The following LAMC3 variants were observed in gnomAD, a reference collection of about 807,000 sequenced individuals.
LAMC3 encodes the protein laminin subunit gamma 3, also known as laminin subunit gamma-3.
In LAMC3, 128 loss-of-function variants were observed where a neutral mutation model predicts 173.8. The ratio of observed to expected loss-of-function variants is 0.74; its 90% CI spans 0.64 to 0.85. LAMC3 has a LOEUF of 0.85. LAMC3 is among the 40% of genes least tolerant of loss of function. The probability of loss-of-function intolerance (pLI) is 0.00; values close to 1 mark genes in which losing one functional copy is unlikely to be tolerated. For synonymous variants in LAMC3, 897 were observed against 909.1 expected, an observed-to-expected ratio of 0.99 and a Z score of 0.24; for missense variants, 2,022 against 2,156.0, an observed-to-expected ratio of 0.94 and a Z score of 1.23.
intron 1 of LAMC3, among the ~76,000 whole-genome samples, chr9:131,016,380 G>T (rs1431961251): frequency 6.6e-6 from 1 of 152,194 alleles, no homozygotes; most frequent in African/African-American, 2.4e-5. Flanking sequence ...GATGGTAAAT[G>T]TCATGTTATA....
At chr9:131,047,238 C>T (rs1471899191) in intron 8 of LAMC3, among the ~76,000 whole-genome samples, 8 of 104,322 alleles carry the variant, frequency 7.7e-5, no homozygotes, top group South Asian at 3.3e-4. Context: ...GATCTCAGCT[C>T]TCTGCAACCT....
At chr9:131,040,184 A>AC in intron 6 of LAMC3, among the ~76,000 whole-genome samples, 1 of 145,738 alleles carries the variant, frequency 6.9e-6, no homozygotes, top group East Asian at 2.0e-4. Flanking sequence ...CACTATCTCT[A>AC]TTTTTTTTTT....
chr9:131,068,779 C>T (rs1399086614), intron 15 of LAMC3, 129 bp from the exon 16 acceptor site: 11 of 898,844 alleles, frequency 1.2e-5, no homozygotes, highest in Non-Finnish European at 1.9e-5. Context: ...CTGTGCCATG[C>T]ACCGAGAGGA....
At chr9:131,090,545 A>ATCCAGGGCC in intron 27 of LAMC3, among the ~76,000 whole-genome samples, 2 of 152,248 alleles carry the variant, frequency 1.3e-5, no homozygotes, top group Non-Finnish European at 2.9e-5. Context: ...TGCCCAGGAA[A>ATCCAGGGCC]TCCAGGGCCT....
intron 13 of LAMC3, among the ~76,000 whole-genome samples, chr9:131,061,772 G>A (rs904486126): frequency 2.6e-5 from 4 of 152,196 alleles, no homozygotes; most frequent in Admixed American, 6.5e-5. Flanking sequence ...CAATTCGGCT[G>A]GGTGTGGTGG....
At chr9:131,048,791 C>T (rs1204962678) in intron 8 of LAMC3, among the ~76,000 whole-genome samples, 4 of 152,094 alleles carry the variant, frequency 2.6e-5, no homozygotes, top group Admixed American at 6.6e-5. Context: ...TGTCCCAGGG[C>T]CCCCATGTGG....
Position 131,079,328 on chromosome 9 carries a change from C to G in LAMC3, c.3927+30C>G, listed in dbSNP as rs373038800. Reference sequence around the variant, plus strand: ...GCTCTTGTGCTTTGAAGCAGGGGACCTGGGAGAGGTTGGGGCTACCCTGAA... The same window carrying G: ...GCTCTTGTGCTTTGAAGCAGGGGACGTGGGAGAGGTTGGGGCTACCCTGAA... On this transcript the variant is annotated intron_variant, in intron 23 of 27. Coordinates refer to ENST00000361069, the MANE Select transcript of LAMC3 (RefSeq NM_006059.4). 5 of 1,613,354 alleles carry G rather than the reference C, an allele frequency of 3.1e-6. No individual in the cohort carries two copies. The South Asian group carries it at 5.5e-5, about 18-fold the overall frequency.
At chr9:131,015,353 C>T (rs1293758900) in intron 1 of LAMC3, among the ~76,000 whole-genome samples, 6 of 152,180 alleles carry the variant, frequency 3.9e-5, no homozygotes. Context: ...CCTGCCCTGC[C>T]CTGCTCTCCC....
chr9:131,063,323 C>T (rs1362655292), intron 13 of LAMC3, among the ~76,000 whole-genome samples: 1 of 152,214 alleles, frequency 6.6e-6, no homozygotes, highest in African/African-American at 2.4e-5. Context: ...CTCCCCTGGC[C>T]TGCAGACATG....
chr9:131,027,521 C>T (rs1328399849), intron 2 of LAMC3, among the ~76,000 whole-genome samples: 1 of 152,216 alleles, frequency 6.6e-6, no homozygotes, highest in African/African-American at 2.4e-5. Flanking sequence ...GCGCCTCTAG[C>T]TGCATTGTCC....
intron 23 of LAMC3, 66 bp downstream of exon 23, chr9:131,079,364 G>A: frequency 2.5e-6 from 4 of 1,592,052 alleles, no homozygotes; most frequent in Non-Finnish European, 3.4e-6. Context: ...GGTGATCCAG[G>A]GTCAGGGTTG....
In LAMC3 at chr9:131,036,314, G is replaced by A. The variant is rs781048425; in HGVS notation, c.958G>A (p.Ala320Thr). 3.0e-5 allele frequency: 48 copies of A among 1,612,876 alleles called. No individual in the cohort carries two copies. The highest frequency in any genetic ancestry group is 3.8e-5 in the Non-Finnish European group (45 of 1,179,734). Residue 320 changes from alanine (A) to threonine (T), a missense_variant, in exon 4 of 28, where the codon GCT becomes ACT. Coordinates refer to ENST00000361069, the MANE Select transcript of LAMC3 (RefSeq NM_006059.4). ...CCCGTGGGCCCGGGGCACCGCCGAG[G>A]CTGCCCACGAGTGTCTGCGTGAGTG... ...DRPWARGTAE[A>T]AHECLPCNCS...
In LAMC3 at chr9:131,026,954, C is replaced by T. The variant is rs931925734; in HGVS notation, c.678+365C>T. 2.0e-5 allele frequency among the ~76,000 whole-genome samples: 3 copies of T among 152,300 alleles called. No homozygotes were observed. The highest frequency in any genetic ancestry group is 2.9e-5 in the Non-Finnish European group (2 of 68,018). On this transcript the variant is annotated intron_variant, in intron 2 of 27. Coordinates refer to ENST00000361069, the MANE Select transcript of LAMC3 (RefSeq NM_006059.4). The surrounding 1 kb of genome is among the most constrained non-coding windows in gnomAD (Gnocchi z 4.8). ...CTTGAACTCCTGACATTAAGCGATC[C>T]ACCTGCCTCGGCCTCCCAAAGTGCT...
intron 13 of LAMC3, among the ~76,000 whole-genome samples, chr9:131,064,235 C>T (rs991305609): frequency 2.6e-5 from 4 of 152,238 alleles, no homozygotes; most frequent in African/African-American, 9.6e-5. Context: ...TTCAACAGAC[C>T]GATGACTTTT....
At chr9:131,056,792 A>G in intron 11 of LAMC3, 137 bp from the exon 12 acceptor site, 1 of 759,006 alleles carries the variant, frequency 1.3e-6, no homozygotes, top group South Asian at 1.4e-5. Flanking sequence ...TCTGTCTCAA[A>G]AAAAGAAAAA....
chr9:131,039,666 A>T (rs892345546), intron 6 of LAMC3, among the ~76,000 whole-genome samples: 2 of 151,788 alleles, frequency 1.3e-5, no homozygotes, highest in Non-Finnish European at 2.9e-5. Context: ...TGGGGGTTTG[A>T]CTGTGGAGAG....
intron 7 of LAMC3, among the ~76,000 whole-genome samples, chr9:131,042,741 C>G (rs1326540505): frequency 6.6e-6 from 1 of 151,134 alleles, no homozygotes; most frequent in African/African-American, 2.4e-5. Context: ...TGAAGCACTA[C>G]TACAACCCTT....
chr9:131,026,316 G>A lies in LAMC3; in HGVS notation c.405G>A (p.Leu135=), dbSNP rs1283609217. 1.2e-6 allele frequency: 2 copies of A among 1,614,028 alleles called. No individual in the cohort carries two copies. The highest frequency in any genetic ancestry group is 8.5e-7 in the Non-Finnish European group (1 of 1,180,004). The part of the protein sequence containing the change: ...GKAYEITYVR[L]KFHTSRPESF... ...CTTATGAGATCACGTATGTGAGGCT[G>A]AAGTTCCACACCAGTCGCCCTGAGA... The change falls in exon 2 of 28, where the codon CTG becomes CTA. Residue 135 remains leucine (L), a synonymous_variant. Coordinates refer to ENST00000361069, the MANE Select transcript of LAMC3 (RefSeq NM_006059.4). This position sits in a 1 kb window ranked among gnomAD's most constrained non-coding sequence, Gnocchi z 4.8.
At chr9:131,028,342 G>T (rs966441609) in intron 2 of LAMC3, among the ~76,000 whole-genome samples, 1 of 152,114 alleles carries the variant, frequency 6.6e-6, no homozygotes, top group East Asian at 1.9e-4. Flanking sequence ...ATTTCCCCGG[G>T]TTCAGACCCA....
Sources: allele counts gnomAD v4.1 joint callset (sites outside exome capture counted in the v4.1 genomes callset), GRCh38; gene constraint gnomAD v4.1.1; non-coding constraint Gnocchi (gnomAD v3.1); transcripts MANE v1.5; gene names NCBI Gene and HGNC (gene_info 2026-07-23, HGNC 2026-07-21).